Variants in AP2B1 observed in about 807,000 individuals in gnomAD.
The protein encoded by AP2B1 is adaptor related protein complex 2 subunit beta 1.
A neutral mutation model predicts 102.0 loss-of-function variants in AP2B1; 23 were observed. The observed-to-expected ratio is 0.23, with a 90% CI of 0.16 to 0.32. The LOEUF (loss-of-function observed/expected upper bound fraction) is 0.32, where lower values mean the gene tolerates loss of function less well. Among genes scored for constraint, AP2B1 ranks in the 10% least tolerant of loss-of-function variants. AP2B1 has a pLI of 1.00. For synonymous variants in AP2B1, 381 were observed against 421.2 expected, an observed-to-expected ratio of 0.90 and a Z score of 1.17; for missense variants, 541 against 1,157.4, an observed-to-expected ratio of 0.47 and a Z score of 7.73.
At chr17:35,621,320 G>C in intron 5 of AP2B1, 1 of 985,392 alleles carries the variant, frequency 1.0e-6, no homozygotes, top group Non-Finnish European at 1.2e-6. Flanking sequence ...TGAAGAGTGA[G>C]AGAAACTCGG....
intron 20 of AP2B1, among the ~76,000 whole-genome samples, chr17:35,714,198 T>C (rs374080726): frequency 6.6e-6 from 1 of 152,168 alleles, no homozygotes; most frequent in Non-Finnish European, 1.5e-5. Flanking sequence ...GTGAATTCTG[T>C]TTCATTGTTT....
Position 35,671,750 on chromosome 17 carries a change from G to A in AP2B1, c.2032-4G>A. 1 of 1,602,760 alleles carries A rather than the reference G, an allele frequency of 6.2e-7. No individual in the cohort carries two copies. The highest frequency in any genetic ancestry group is 8.5e-7 in the Non-Finnish European group (1 of 1,176,666). On this transcript the variant is annotated splice_polypyrimidine_tract_variant and splice_region_variant and intron_variant, in intron 15 of 21. Transcript: ENST00000610402. ...CCCCTCTCCCTTTTTTTTTTCTCCT[G>A]CAGGTGGGACAATCCTTCATCCCAT...
chr17:35,656,268 T>TAGGGGTCCAGGGGGCC (rs1555570781), intron 13 of AP2B1, among the ~76,000 whole-genome samples: 1 of 151,870 alleles, frequency 6.6e-6, no homozygotes, highest in Non-Finnish European at 1.5e-5. Flanking sequence ...TTGTGAACCA[T>TAGGGGTCCAGGGGGCC]AGGGGGCCAA....
At position 35,669,142 on chromosome 17, in the gene AP2B1, CTT is replaced by C. The variant is rs11340791; in HGVS notation, c.1990-1700_1990-1699del. Reference sequence around the variant, plus strand: ...ACTCAAATTCTTGGTTTGGGGATGCCTTTTTTTTTTTTTTTTCCGAGATGGAG... The same window carrying C: ...ACTCAAATTCTTGGTTTGGGGATGCCTTTTTTTTTTTTTTCCGAGATGGAG... On this transcript the variant is annotated intron_variant, in intron 14 of 21. Coordinates refer to ENST00000610402, the MANE Select transcript of AP2B1 (RefSeq NM_001030006.2). Among the ~76,000 whole-genome samples, 799 of 135,568 alleles carry C rather than the reference CTT, an allele frequency of 5.9e-3. 5 individuals carry two copies. The highest frequency in any genetic ancestry group is 6.8e-3 in the Non-Finnish European group (430 of 63,616). The allele number at this position is 135,568 out of a possible 152,430, so 88.9% of individuals were successfully genotyped here. A position where few individuals can be genotyped will look rare whatever the true frequency, so the allele number is the denominator to read the frequency against.
chr17:35,665,199 A>G lies in AP2B1; in HGVS notation c.1990-5658A>G, dbSNP rs1314705037. Among the ~76,000 whole-genome samples the G allele has an allele frequency of 3.4e-5, 5 of 147,768 alleles. No individual in the cohort carries two copies. The East Asian group carries it at 1.0e-3, about 30-fold the overall frequency. ...TAGAAAGCAGTGGCACTATCACGAC[A>G]TACTGCAGCCTTGACCTCCCTGGGC... On this transcript the variant is annotated intron_variant, in intron 14 of 21. Coordinates refer to ENST00000610402, the MANE Select transcript of AP2B1 (RefSeq NM_001030006.2).
intron 21 of AP2B1, among the ~76,000 whole-genome samples, chr17:35,723,135 C>T (rs975194749): frequency 2.0e-5 from 3 of 152,202 alleles, no homozygotes; most frequent in Non-Finnish European, 4.4e-5. Flanking sequence ...ACAGAAAGGA[C>T]TAATACCTTG....
intron 5 of AP2B1, chr17:35,621,396 AAC>A (rs1304060912): frequency 1.1e-6 from 1 of 940,326 alleles, no homozygotes; most frequent in African/African-American, 1.8e-5. Flanking sequence ...CTAAAAATGT[AAC>A]AGTCTGACTG....
chr17:35,642,993 A>G (rs1484794858), intron 12 of AP2B1, among the ~76,000 whole-genome samples: 1 of 151,166 alleles, frequency 6.6e-6, no homozygotes, highest in Non-Finnish European at 1.5e-5. Flanking sequence ...TGAATTCAAA[A>G]CAATTTCTTT....
intron 18 of AP2B1, among the ~76,000 whole-genome samples, chr17:35,699,244 G>A (rs1880466664): frequency 6.6e-6 from 1 of 152,162 alleles, no homozygotes; most frequent in African/African-American, 2.4e-5. Context: ...ATCATCTGGA[G>A]GGCTCTGTTC....
intron 18 of AP2B1, among the ~76,000 whole-genome samples, chr17:35,703,950 T>C (rs1424446363): frequency 6.6e-6 from 1 of 152,216 alleles, no homozygotes; most frequent in African/African-American, 2.4e-5. Flanking sequence ...AGGCATGATG[T>C]TATAGCTTTT....
At chr17:35,632,499 A>G (rs1458850075) in intron 9 of AP2B1, among the ~76,000 whole-genome samples, 1 of 152,176 alleles carries the variant, frequency 6.6e-6, no homozygotes, top group Non-Finnish European at 1.5e-5. Flanking sequence ...AGATATGAGT[A>G]GAGTGGATCA....
chr17:35,636,471 C>A lies in AP2B1; in HGVS notation c.1271+15C>A. 6.4e-7 allele frequency: 1 copy of A among 1,572,558 alleles called. No homozygotes were observed. The highest frequency in any genetic ancestry group is 8.7e-7 in the Non-Finnish European group (1 of 1,142,912). On this transcript the variant is annotated intron_variant, in intron 10 of 21. Coordinates refer to ENST00000610402, the MANE Select transcript of AP2B1 (RefSeq NM_001030006.2). ...TACCCCAACAAGTATGTCCAAATAC[C>A]TTTACCCCTCTTTCTCAAATTACTT...
chr17:35,624,578 A>G lies in AP2B1; in HGVS notation c.707A>G (p.Glu236Gly), dbSNP rs749559407. Residue 236 changes from glutamate (E) to glycine (G), a missense_variant, in exon 6 of 22, where the codon GAG becomes GGG. Glu to Gly is a moderately conservative substitution (Grantham distance 98). Around this residue, in one of 10 missense-constraint regions of AP2B1, gnomAD observed 134 missense variants for 250.2 expected, o/e 0.54. Transcript: ENST00000610402. ...LSNYNPKDDREAQSICERVTP... is the reference protein window; with the variant it reads ...LSNYNPKDDRGAQSICERVTP... The stretch of plus-strand genomic sequence containing the variant: ...AATTACAACCCTAAAGATGATCGGG[A>G]GGCTCAGAGGTCAGTCTGTTTTCCT... 6.2e-7 allele frequency: 1 copy of G among 1,610,960 alleles called. No individual in the cohort carries two copies. The highest frequency in any genetic ancestry group is 2.2e-5 in the East Asian group (1 of 44,838).
intron 16 of AP2B1, 53 bp downstream of exon 16, chr17:35,671,953 G>GTTTCAC: frequency 6.3e-7 from 1 of 1,577,994 alleles, no homozygotes; most frequent in Non-Finnish European, 8.7e-7. Flanking sequence ...GACCCAAACT[G>GTTTCAC]TTTCACTTTC....
intron 9 of AP2B1, among the ~76,000 whole-genome samples, chr17:35,633,638 G>A (rs1348268396): frequency 1.3e-5 from 2 of 151,924 alleles, no homozygotes; most frequent in Admixed American, 6.6e-5. Context: ...CTCTTCCTTC[G>A]GGTGGGTGGG....
chr17:35,670,745 G>A (rs1171851770), intron 14 of AP2B1, 112 bp from the exon 15 acceptor site: 26 of 1,067,820 alleles, frequency 2.4e-5, no homozygotes, highest in Non-Finnish European at 3.6e-5. Flanking sequence ...CAAGTTGAAT[G>A]GCATGTATTT....
intron 17 of AP2B1, among the ~76,000 whole-genome samples, chr17:35,676,791 A>T (rs34184070): frequency 2.0e-5 from 3 of 151,682 alleles, no homozygotes; most frequent in South Asian, 2.1e-4. Flanking sequence ...CATATTGGTC[A>T]TATATATCTT....
chr17:35,703,941 G>A (rs2076290455), intron 18 of AP2B1, among the ~76,000 whole-genome samples: 1 of 152,134 alleles, frequency 6.6e-6, no homozygotes, highest in Non-Finnish European at 1.5e-5. Context: ...AAGCAATCTA[G>A]GCATGATGTT....
intron 12 of AP2B1, among the ~76,000 whole-genome samples, chr17:35,642,873 T>G (rs893396584): frequency 2.6e-5 from 4 of 152,310 alleles, no homozygotes; most frequent in Middle Eastern, 3.4e-3. Context: ...AAAAACTTTC[T>G]TAAGCATCTT....
Sources: gnomAD v4.1 joint callset for allele counts (sites outside exome capture counted in the v4.1 genomes callset) on GRCh38, gnomAD v4.1.1 for gene constraint, gnomAD v4.1.1 regional missense constraint, MANE v1.5 for transcripts, NCBI Gene and HGNC (gene_info 2026-07-23, HGNC 2026-07-21) for gene names.